Variants in MAP3K13 observed in about 807,000 individuals in gnomAD.
MAP3K13 encodes leucine zipper-bearing kinase.
A neutral mutation model predicts 104.0 loss-of-function variants in MAP3K13; 52 were observed. That is an observed-to-expected ratio of 0.50 (90% CI 0.40 to 0.63). MAP3K13 has a LOEUF of 0.63. MAP3K13 is among the 20% of genes least tolerant of loss of function. The probability of loss-of-function intolerance (pLI) is 0.00; values close to 1 mark genes in which losing one functional copy is unlikely to be tolerated. For synonymous variants in MAP3K13, 394 were observed against 442.2 expected, an observed-to-expected ratio of 0.89 and a Z score of 1.37; for missense variants, 914 against 1,218.5, an observed-to-expected ratio of 0.75 and a Z score of 3.72.
At chr3:185,293,193 C>A in intron 2 of MAP3K13, 1 of 240,010 alleles carries the variant, frequency 4.2e-6, no homozygotes, top group Non-Finnish European at 6.7e-6. Flanking sequence ...TCTTGGTTCA[C>A]TGCAACCTCT....
chr3:185,345,257 G>A (rs1211979999), intron 2 of MAP3K13, among the ~76,000 whole-genome samples: 1 of 151,726 alleles, frequency 6.6e-6, no homozygotes, highest in East Asian at 1.9e-4. Context: ...ACACACACAC[G>A]TAAACGCATA....
intron 1 of MAP3K13, among the ~76,000 whole-genome samples, chr3:185,422,791 C>A (rs2108797289): frequency 6.6e-6 from 1 of 152,354 alleles, no homozygotes; most frequent in Non-Finnish European, 1.5e-5. Flanking sequence ...ACCTCCAGGC[C>A]ATGGTCTGGT....
intron 2 of MAP3K13, among the ~76,000 whole-genome samples, chr3:185,354,494 C>T (rs1484651443): frequency 1.3e-5 from 2 of 150,904 alleles, no homozygotes; most frequent in Non-Finnish European, 3.0e-5. Context: ...ATAGATATGT[C>T]CTGTCCCTTA....
At position 185,450,183 on chromosome 3, in the gene MAP3K13, C is replaced by G; in HGVS notation, c.1169+125C>G. 1 of 808,424 alleles carries G rather than the reference C, an allele frequency of 1.2e-6. No homozygotes were observed. The highest frequency in any genetic ancestry group is 3.0e-5 in the South Asian group (1 of 33,342). The allele number at this position is 808,424 out of a possible 1,614,324, so 50.1% of individuals were successfully genotyped here. ...CTTGGGTTCAAATACTAGCTCTGCCCCTTTCTATCTGTGCAATTTTGGGCA... is the reference window on the plus strand; with the variant it reads ...CTTGGGTTCAAATACTAGCTCTGCCGCTTTCTATCTGTGCAATTTTGGGCA... On this transcript the variant is annotated intron_variant, in intron 6 of 13. Coordinates refer to ENST00000265026, the MANE Select transcript of MAP3K13 (RefSeq NM_004721.5). The surrounding 1 kb of genome is among the most constrained non-coding windows in gnomAD (Gnocchi z 4.2).
At position 185,418,400 on chromosome 3, in the gene MAP3K13, C is replaced by A. The variant is rs976609222; in HGVS notation, c.-85-10097C>A. 3 of 1,606,626 alleles carry A rather than the reference C, an allele frequency of 1.9e-6. No homozygotes were observed. Among genetic ancestry groups the A allele is most frequent in the African/African-American group, 2.7e-5 (2 of 74,738 alleles). On this transcript the variant is annotated intron_variant, in intron 1 of 13. Coordinates refer to ENST00000265026, the MANE Select transcript of MAP3K13 (RefSeq NM_004721.5). The surrounding 1 kb of genome is among the most constrained non-coding windows in gnomAD (Gnocchi z 4.5). ...GCTGGTAGGGCTGAGGCAGCCAGGG[C>A]AGAACAGATGGCATATCGTTTTTGG...
chr3:185,486,131 T>C lies in MAP3K13; in HGVS notation c.*3675T>C, dbSNP rs1301354819. 1 of 152,180 alleles carries C rather than the reference T, an allele frequency of 6.6e-6. No homozygotes were observed. The highest frequency in any genetic ancestry group is 1.5e-5 in the Non-Finnish European group (1 of 68,030). 9.4% of individuals were successfully genotyped at this position (152,180 alleles called of 1,614,324 possible). On this transcript the variant is annotated 3_prime_UTR_variant, in exon 14 of 14. Transcript: ENST00000265026. ...GCAACAGAGAAACATGAGGGTCAGC[T>C]TTTATCTTACATCTTTCAGTGATGG...
At chr3:185,380,059 G>A (rs185482858) in intron 1 of MAP3K13, among the ~76,000 whole-genome samples, 174 of 152,010 alleles carry the variant, frequency 1.1e-3, no homozygotes, top group African/African-American at 3.5e-3. Flanking sequence ...GATGGCAGGT[G>A]CCTTTAGTCC....
upstream of MAP3K13, among the ~76,000 whole-genome samples, chr3:185,362,541 G>T (rs1723672032): frequency 6.6e-6 from 1 of 152,142 alleles, no homozygotes; most frequent in Non-Finnish European, 1.5e-5. Context: ...TCAGCAAGAT[G>T]TTACTGCTGT....
chr3:185,463,836 T>C (rs1011046842), intron 8 of MAP3K13, among the ~76,000 whole-genome samples, 177 bp downstream of exon 8: 1 of 152,208 alleles, frequency 6.6e-6, no homozygotes, highest in Non-Finnish European at 1.5e-5. Context: ...TTTCCTATCC[T>C]TTCTTCCCAA....
chr3:185,321,160 CACAT>C (rs1336860663), intron 2 of MAP3K13, among the ~76,000 whole-genome samples: 1 of 146,940 alleles, frequency 6.8e-6, no homozygotes, highest in South Asian at 2.1e-4. Context: ...TGCGTGCACA[CACAT>C]ATGCGTGCAC....
rs115984216 is a variant in MAP3K13, at chr3:185,450,478, G to A, written c.1169+420G>A. ...CTCTTCAGTATATCAAAACTGTACT[G>A]CAGGGCAGCCAGGCACAGTGGCTCA... On this transcript the variant is annotated intron_variant, in intron 6 of 13. Coordinates refer to ENST00000265026, the MANE Select transcript of MAP3K13 (RefSeq NM_004721.5). This position sits in a 1 kb window ranked among gnomAD's most constrained non-coding sequence, Gnocchi z 4.2. Among the ~76,000 whole-genome samples, 232 of 152,184 alleles carry A rather than the reference G, an allele frequency of 1.5e-3. 1 individual carries two copies. The highest frequency in any genetic ancestry group is 5.2e-3 in the African/African-American group (214 of 41,510).
At chr3:185,396,047 T>G (rs1477360274) in intron 1 of MAP3K13, among the ~76,000 whole-genome samples, 2 of 152,088 alleles carry the variant, frequency 1.3e-5, no homozygotes, top group Non-Finnish European at 2.9e-5. Flanking sequence ...GGCCATTTTC[T>G]GAGTATATAC....
chr3:185,473,564 A>G lies in MAP3K13; in HGVS notation c.2233A>G (p.Ile745Val), dbSNP rs1717935828. ...CRPEQYGSLD[I>V]PSAEPVGRSP... ...GCCAGAACAGTATGGGTCCTTAGAC[A>G]TACCCTCTGCTGAGCCAGTGGGGAG... is the stretch of plus-strand genomic sequence containing the variant. The change falls in exon 11 of 14, where the codon ATA becomes GTA. Residue 745 changes from isoleucine to valine, a missense_variant. Physicochemically the swap from Ile to Val is conservative, Grantham distance 29. Transcript: ENST00000265026. This position sits in a 1 kb window ranked among gnomAD's most constrained non-coding sequence, Gnocchi z 4.9. 1 of 1,614,170 alleles carries G rather than the reference A, an allele frequency of 6.2e-7. No homozygotes were observed. Among genetic ancestry groups the G allele is most frequent in the Non-Finnish European group, 8.5e-7 (1 of 1,180,038 alleles).
chr3:185,364,066 A>G (rs1577467166), intron 1 of MAP3K13, among the ~76,000 whole-genome samples: 1 of 152,248 alleles, frequency 6.6e-6, no homozygotes, highest in Admixed American at 6.5e-5. Flanking sequence ...GAAAACTAAG[A>G]AGTGGTTACA....
intron 1 of MAP3K13, among the ~76,000 whole-genome samples, chr3:185,421,046 G>A (rs776656846): frequency 2.0e-5 from 3 of 152,116 alleles, no homozygotes; most frequent in African/African-American, 4.8e-5. Flanking sequence ...GGGCAGATAC[G>A]GGAGCACTTC....
At chr3:185,470,485 C>A (rs1364768689) in intron 10 of MAP3K13, among the ~76,000 whole-genome samples, 1 of 152,174 alleles carries the variant, frequency 6.6e-6, no homozygotes, top group Non-Finnish European at 1.5e-5. Context: ...AAGTGAAATG[C>A]CAGTGTCACT....
chr3:185,429,198 A>C, intron 2 of MAP3K13, 142 bp downstream of exon 2: 1 of 772,328 alleles, frequency 1.3e-6, no homozygotes, highest in Non-Finnish European at 2.0e-6. Context: ...TTCAGTTTCC[A>C]GTAGACCAGC....
rs1405208362 is a variant in MAP3K13 at position 185,454,731 on chromosome 3, T to C, written c.1278+3336T>C. Among the ~76,000 whole-genome samples the C allele has an allele frequency of 5.4e-5, 2 of 37,030 alleles. 1 individual carries two copies. The highest frequency in any genetic ancestry group is 1.4e-4 in the Non-Finnish European group (2 of 14,578). The allele number at this position is 37,030 out of a possible 152,430, so 24.3% of individuals were successfully genotyped here. ...TCATATATGAGATATATATGATATA[T>C]ATGATATATATATCATATATATGAG... On this transcript the variant is annotated intron_variant, in intron 7 of 13. Transcript: ENST00000265026.
At chr3:185,464,289 A>G (rs1448513128) in intron 8 of MAP3K13, among the ~76,000 whole-genome samples, 1 of 152,178 alleles carries the variant, frequency 6.6e-6, no homozygotes. Flanking sequence ...TTCTGTCTCA[A>G]AAAAAGAGAG....
Sources: gnomAD v4.1 joint callset for allele counts (sites outside exome capture counted in the v4.1 genomes callset) on GRCh38, gnomAD v4.1.1 for gene constraint, Gnocchi (gnomAD v3.1) non-coding constraint, MANE v1.5 for transcripts, NCBI Gene and HGNC (gene_info 2026-07-23, HGNC 2026-07-21) for gene names.